The following PHF20L1 variants were observed in gnomAD, a reference collection of about 807,000 sequenced individuals.
PHF20L1 encodes the protein PHD finger protein 20-like protein 1.
In PHF20L1, 44 loss-of-function variants were observed where a neutral mutation model predicts 125.5. The observed-to-expected ratio is 0.35, with a 90% CI of 0.28 to 0.45. PHF20L1 has a LOEUF of 0.45. Among genes scored for constraint, PHF20L1 ranks in the 20% least tolerant of loss-of-function variants. The pLI, the probability that PHF20L1 is intolerant of heterozygous loss-of-function variation, is 1.00. For missense variants in PHF20L1, 1,012 were observed against 1,217.2 expected, an observed-to-expected ratio of 0.83 and a Z score of 2.51; for synonymous variants, 380 against 403.1, an observed-to-expected ratio of 0.94 and a Z score of 0.69.
At position 132,803,845 on chromosome 8, in the gene PHF20L1, T is replaced by TGCTGCA; in HGVS notation, c.543_548dup (p.Ala182_Ala183dup). On this transcript the variant is annotated inframe_insertion, in exon 7 of 21. Transcript: ENST00000395386. ...ATTGGATAGCTTTAGTCAAAGCAGC[T>TGCTGCA]GCTGCAGCTGCAGCCAAGAACAAAA... 6.2e-7 allele frequency: 1 copy of TGCTGCA among 1,605,458 alleles called. No homozygotes were observed. Among genetic ancestry groups the TGCTGCA allele is most frequent in the Non-Finnish European group, 8.5e-7 (1 of 1,173,768 alleles).
rs1829588610 is a variant in PHF20L1 at position 132,775,643 on chromosome 8, T to G, written c.-40T>G. On this transcript the variant is annotated splice_region_variant and 5_prime_UTR_variant, in exon 1 of 21. Coordinates refer to ENST00000395386, the MANE Select transcript of PHF20L1 (RefSeq NM_016018.5). ...GCTGCTGTGCAGAGAGGAGGCCGAG[T>G]CGGTAAGAGGCGGCGGCGGCTGAGC... is the stretch of plus-strand genomic sequence containing the variant. 3.0e-6 allele frequency: 1 copy of G among 338,328 alleles called. No individual in the cohort carries two copies. Among genetic ancestry groups the G allele is most frequent in the African/African-American group, 2.2e-5 (1 of 46,032 alleles). 21.0% of individuals were successfully genotyped at this position (338,328 alleles called of 1,614,324 possible).
intron 2 of PHF20L1, among the ~76,000 whole-genome samples, chr8:132,789,560 T>C (rs1831437018): frequency 6.6e-6 from 1 of 152,216 alleles, no homozygotes; most frequent in Non-Finnish European, 1.5e-5. Flanking sequence ...TTTGGAATGC[T>C]CTTCATTTCC....
At chr8:132,804,766 A>T (rs1261110927) in intron 8 of PHF20L1, 26 bp downstream of exon 8, 1 of 1,558,048 alleles carries the variant, frequency 6.4e-7, no homozygotes, top group Non-Finnish European at 8.7e-7. Flanking sequence ...TTTTTTTTTG[A>T]GGGGGGGAAA....
At chr8:132,829,838 C>T (rs890016655) in intron 14 of PHF20L1, among the ~76,000 whole-genome samples, 1 of 152,026 alleles carries the variant, frequency 6.6e-6, no homozygotes, top group African/African-American at 2.4e-5. Flanking sequence ...TACTAGCAGT[C>T]CTACTTCCCT....
chr8:132,834,103 A>G (rs1408492762), intron 15 of PHF20L1, among the ~76,000 whole-genome samples: 2 of 152,088 alleles, frequency 1.3e-5, no homozygotes, highest in Admixed American at 1.3e-4. Context: ...TGGCTATTCA[A>G]GCGTAAGGGG....
At chr8:132,818,412 T>G (rs1166711871) in intron 12 of PHF20L1, 1 of 151,944 alleles carries the variant, frequency 6.6e-6, no homozygotes, top group Non-Finnish European at 1.5e-5. Context: ...GCGTCTTCCC[T>G]GAAACCATTT....
intron 8 of PHF20L1, chr8:132,810,825 TAAAC>T (rs551154914): frequency 8.6e-6 from 4 of 466,142 alleles, no homozygotes; most frequent in South Asian, 4.6e-5. Context: ...TGAGTAATAT[TAAAC>T]AACAGACACA....
intron 13 of PHF20L1, chr8:132,824,987 G>A (rs1204016961): frequency 7.4e-7 from 1 of 1,358,236 alleles, no homozygotes; most frequent in Non-Finnish European, 9.9e-7. Flanking sequence ...AGGAAATTGA[G>A]AATATTACTC....
intron 8 of PHF20L1, chr8:132,807,705 A>G (rs568441424): frequency 6.6e-6 from 3 of 455,106 alleles, no homozygotes; most frequent in Admixed American, 2.4e-5. Flanking sequence ...GCTCTGTTCT[A>G]CTTATTCGTA....
At chr8:132,839,673 A>T in intron 18 of PHF20L1, 91 bp downstream of exon 18, 1 of 815,504 alleles carries the variant, frequency 1.2e-6, no homozygotes, top group East Asian at 2.5e-5. Flanking sequence ...CCAGAGTAAC[A>T]GTTTGGAGGA....
chr8:132,844,068 A>G (rs1174618356), intron 19 of PHF20L1, 88 bp from the exon 20 acceptor site: 6 of 1,555,532 alleles, frequency 3.9e-6, no homozygotes, highest in Non-Finnish European at 5.2e-6. Flanking sequence ...AACTGTTACC[A>G]GTGATGAGGT....
At position 132,775,401 on chromosome 8, in the gene PHF20L1, G is replaced by T; in HGVS notation, c.-282G>T. 2 of 381,774 alleles carry T rather than the reference G, an allele frequency of 5.2e-6. No homozygotes were observed. Among genetic ancestry groups the T allele is most frequent in the East Asian group, 3.9e-5 (1 of 25,748 alleles). The allele number at this position is 381,774 out of a possible 1,614,324, so 23.6% of individuals were successfully genotyped here. On this transcript the variant is annotated 5_prime_UTR_variant, in exon 1 of 21. Coordinates refer to ENST00000395386, the MANE Select transcript of PHF20L1 (RefSeq NM_016018.5). ...CGGCGTCGCGTCAGGGCTGGCCGGC[G>T]GCGGAGGCGGCGGCGGCGGCGGCGA...
intron 8 of PHF20L1, chr8:132,808,291 A>C (rs1005990760): frequency 2.6e-5 from 4 of 152,212 alleles, no homozygotes; most frequent in African/African-American, 9.6e-5. Flanking sequence ...TTTCCTTCTC[A>C]AACCATTAAT....
rs1832189597 is a variant in PHF20L1, at chr8:132,794,835, T to C, written c.340+18T>C. On this transcript the variant is annotated intron_variant, in intron 4 of 20. Transcript: ENST00000395386. ...CAAAGAAGGTATGTGTTTGAAATGA[T>C]CTGAGACTTAAAATTAGATTAATAG... is the stretch of plus-strand genomic sequence containing the variant. 6.7e-7 allele frequency: 1 copy of C among 1,494,926 alleles called. No homozygotes were observed. The highest frequency in any genetic ancestry group is 2.3e-5 in the East Asian group (1 of 44,314). 92.6% of individuals were successfully genotyped at this position (1,494,926 alleles called of 1,614,324 possible). A position where few individuals can be genotyped will look rare whatever the true frequency, so the allele number is the denominator to read the frequency against.
intron 1 of PHF20L1, among the ~76,000 whole-genome samples, chr8:132,775,985 G>A (rs1375244212): frequency 6.6e-6 from 1 of 151,988 alleles, no homozygotes; most frequent in African/African-American, 2.4e-5. Flanking sequence ...TTACATTGTC[G>A]GTCTCTATGT....
Position 132,792,769 on chromosome 8 carries a change from C to T in PHF20L1, c.84-1641C>T, listed in dbSNP as rs1259906845. The stretch of plus-strand genomic sequence containing the variant: ...GAGTAGCATTTCTAACCTCATCTTC[C>T]TTAGCTATTTGCTATCTCAAGAAAT... On this transcript the variant is annotated intron_variant, in intron 2 of 20. Coordinates refer to ENST00000395386, the MANE Select transcript of PHF20L1 (RefSeq NM_016018.5). Among the ~76,000 whole-genome samples the T allele has an allele frequency of 3.3e-5, 5 of 152,158 alleles. No individual in the cohort carries two copies. The East Asian group carries it at 7.7e-4, about 23-fold the overall frequency.
At chr8:132,824,234 C>A in intron 13 of PHF20L1, 174 bp downstream of exon 13, 1 of 428,124 alleles carries the variant, frequency 2.3e-6, no homozygotes, top group Non-Finnish European at 4.2e-6. Flanking sequence ...AAACACATAT[C>A]TTGTTTTATA....
intron 20 of PHF20L1, 101 bp downstream of exon 20, chr8:132,844,419 T>A: frequency 1.2e-6 from 1 of 819,348 alleles, no homozygotes. Context: ...AAACTGCAGA[T>A]ACTCTCCATA....
chr8:132,843,486 T>C (rs1242318009), intron 19 of PHF20L1: 2 of 982,824 alleles, frequency 2.0e-6, no homozygotes, highest in Non-Finnish European at 2.4e-6. Flanking sequence ...TTACCATAAA[T>C]AAGTACTTAA....
Sources: allele counts gnomAD v4.1 joint callset (sites outside exome capture counted in the v4.1 genomes callset), GRCh38; gene constraint gnomAD v4.1.1; transcripts MANE v1.5; gene names NCBI Gene and HGNC (gene_info 2026-07-23, HGNC 2026-07-21).